FSD1L: variants seen among roughly 807,000 people sequenced by gnomAD.
The protein encoded by FSD1L is FSD1-like protein.
Under a neutral mutation model 71.6 loss-of-function variants are expected in FSD1L, and 45 were observed. The ratio of observed to expected loss-of-function variants is 0.63; its 90% CI spans 0.49 to 0.81. FSD1L has a LOEUF of 0.81. FSD1L is among the 30% of genes least tolerant of loss of function. The probability of loss-of-function intolerance (pLI) is 0.00; values close to 1 mark genes in which losing one functional copy is unlikely to be tolerated. For missense variants in FSD1L, 561 were observed against 618.1 expected (o/e 0.91, Z 0.98); for synonymous variants, 197 against 207.2 (o/e 0.95, Z 0.42).
chr9:105,484,123 C>T (rs562185490), intron 6 of FSD1L, among the ~76,000 whole-genome samples: 95 of 152,110 alleles, frequency 6.2e-4, no homozygotes, highest in African/African-American at 2.2e-3. Flanking sequence ...TGTTGTTATT[C>T]ATATATATGC....
At position 105,521,494 on chromosome 9, in the gene FSD1L, T is replaced by A. The variant is rs927496546; in HGVS notation, c.1025+8558T>A. 4.3e-6 allele frequency: 7 copies of A among 1,613,836 alleles called. No homozygotes were observed. The South Asian group carries it at 7.7e-5, about 18-fold the overall frequency. On this transcript the variant is annotated intron_variant, in intron 10 of 13. Coordinates refer to ENST00000481272, the MANE Select transcript of FSD1L (RefSeq NM_001145313.3). ...AGTAATGTAAACTTTGTGACAGAGA[T>A]ATTTCGTCAGGCATTTTTATTACCA...
At chr9:105,475,535 A>G (rs1173774786) in intron 5 of FSD1L, among the ~76,000 whole-genome samples, 3 of 152,234 alleles carry the variant, frequency 2.0e-5, no homozygotes, top group Admixed American at 2.0e-4. Flanking sequence ...CTCCCTCTGT[A>G]GGCTGAAGTT....
At chr9:105,477,786 A>G (rs914498043) in intron 5 of FSD1L, among the ~76,000 whole-genome samples, 4 of 152,186 alleles carry the variant, frequency 2.6e-5, no homozygotes, top group Non-Finnish European at 5.9e-5. Flanking sequence ...ATGACTTAAG[A>G]TACAGATTCC....
intron 6 of FSD1L, among the ~76,000 whole-genome samples, chr9:105,484,049 A>G (rs1324989925): frequency 6.6e-6 from 1 of 152,176 alleles, no homozygotes; most frequent in African/African-American, 2.4e-5. Flanking sequence ...GAAGTCAGTA[A>G]GATTGAGTGT....
At chr9:105,494,744 T>C (rs976333068) in intron 7 of FSD1L, among the ~76,000 whole-genome samples, 1 of 152,196 alleles carries the variant, frequency 6.6e-6, no homozygotes, top group Non-Finnish European at 1.5e-5. Context: ...TGCAGGTCTT[T>C]TGAAGTTTGC....
intron 6 of FSD1L, among the ~76,000 whole-genome samples, chr9:105,483,101 A>G (rs932144702): frequency 1.3e-5 from 2 of 152,200 alleles, no homozygotes; most frequent in African/African-American, 4.8e-5. Context: ...TGTAGTATGC[A>G]TGAAATACTC....
intron 3 of FSD1L, among the ~76,000 whole-genome samples, chr9:105,467,645 A>T (rs997143846): frequency 3.5e-4 from 54 of 152,222 alleles, no homozygotes; most frequent in African/African-American, 1.2e-3. Flanking sequence ...TCCAATAAAT[A>T]ATTGCTTAGT....
upstream of FSD1L, among the ~76,000 whole-genome samples, chr9:105,447,567 A>C (rs370065519): frequency 3.5e-3 from 524 of 151,792 alleles, 5 homozygotes; most frequent in African/African-American, 0.012. Context: ...TTAATCCCAC[A>C]CCCACGTTTC....
intron 6 of FSD1L, among the ~76,000 whole-genome samples, chr9:105,480,094 G>A (rs1268836201): frequency 1.3e-5 from 2 of 152,156 alleles, no homozygotes; most frequent in Non-Finnish European, 2.9e-5. Flanking sequence ...ACTGAGTATT[G>A]TCTGTATTGA....
chr9:105,546,478 C>A lies in FSD1L; in HGVS notation c.1588C>A (p.Gln530Lys). The stretch of plus-strand genomic sequence containing the variant: ...TAGCAGCCTGAACAATGTTGTTACT[C>A]AATAGTGTCTACTCAGAATACGTTT... The part of the protein sequence containing the change: ...SASSLNNVVT[Q>K] Residue 530 changes from glutamine (Q) to lysine (K), a missense_variant, in exon 14 of 14, where the codon CAA becomes AAA. Transcript: ENST00000481272. 1 of 1,544,394 alleles carries A rather than the reference C, an allele frequency of 6.5e-7. No individual in the cohort carries two copies. The highest frequency in any genetic ancestry group is 8.7e-7 in the Non-Finnish European group (1 of 1,144,204).
At chr9:105,476,768 T>A (rs1274779053) in intron 5 of FSD1L, among the ~76,000 whole-genome samples, 1 of 152,072 alleles carries the variant, frequency 6.6e-6, no homozygotes, top group African/African-American at 2.4e-5. Context: ...TTGAGAGAAT[T>A]CTAGAAAAAA....
intron 10 of FSD1L, among the ~76,000 whole-genome samples, chr9:105,531,344 T>A (rs1835883238): frequency 6.6e-6 from 1 of 152,186 alleles, no homozygotes; most frequent in South Asian, 2.1e-4. Context: ...CTTTAACCTC[T>A]CCTCTCCTTT....
chr9:105,448,121 G>C lies in FSD1L; in HGVS notation c.-100G>C. On this transcript the variant is annotated 5_prime_UTR_variant, in exon 1 of 14. Coordinates refer to ENST00000481272, the MANE Select transcript of FSD1L (RefSeq NM_001145313.3). ...CCGGGCGGTGCCGGTGCGGGCTGGGGCAGTGCAGTGAGTAGCGGTCTTGGG... is the reference window on the plus strand; with the variant it reads ...CCGGGCGGTGCCGGTGCGGGCTGGGCCAGTGCAGTGAGTAGCGGTCTTGGG... The C allele has an allele frequency of 1.6e-6, 2 of 1,275,518 alleles. No homozygotes were observed. Among genetic ancestry groups the C allele is most frequent in the East Asian group, 2.7e-5 (1 of 36,968 alleles). The allele number at this position is 1,275,518 out of a possible 1,614,324, so 79.0% of individuals were successfully genotyped here.
intron 3 of FSD1L, among the ~76,000 whole-genome samples, chr9:105,466,339 T>C (rs1280616700): frequency 6.6e-6 from 1 of 152,248 alleles, no homozygotes; most frequent in Admixed American, 6.5e-5. Flanking sequence ...TTGTAATCTC[T>C]ATCCAAATAC....
chr9:105,502,225 A>T (rs577702145), intron 7 of FSD1L, among the ~76,000 whole-genome samples: 10 of 152,220 alleles, frequency 6.6e-5, no homozygotes, highest in Admixed American at 6.5e-4. Context: ...AAAGATAATG[A>T]TAATATAAAG....
chr9:105,497,423 G>T (rs185383079), intron 7 of FSD1L, among the ~76,000 whole-genome samples: 16 of 152,308 alleles, frequency 1.1e-4, no homozygotes, highest in Admixed American at 9.1e-4. Flanking sequence ...TTCTGCAAGA[G>T]ATTGTAGAGA....
rs1395624682 is a variant in FSD1L at position 105,512,891 on chromosome 9, GA to G, written c.984del (p.Gly329ValfsTer25). The G allele has an allele frequency of 1.9e-6, 3 of 1,542,336 alleles. No homozygotes were observed. Among genetic ancestry groups the G allele is most frequent in the Non-Finnish European group, 1.8e-6 (2 of 1,142,688 alleles). On this transcript the variant is annotated frameshift_variant, in exon 10 of 14. Coordinates refer to ENST00000481272, the MANE Select transcript of FSD1L (RefSeq NM_001145313.3). LOFTEE classifies it high-confidence loss of function. The part of the protein sequence containing the change: ...DTCVEWDPTG[G>X]KGQESKIKGK... ...TGTGTAGAGTGGGATCCTACTGGAGGAAAAGGTCAAGAAAGTAAAATTAAAG... is the reference window on the plus strand; with the variant it reads ...TGTGTAGAGTGGGATCCTACTGGAGGAAAGGTCAAGAAAGTAAAATTAAAG...
chr9:105,546,725 A>G lies in FSD1L; in HGVS notation c.*242A>G. ...TTGAAGAGTAAATGGGGGAAAAGGC[A>G]GTGTTTAATTAACATAAAAACTCAT... is the stretch of plus-strand genomic sequence containing the variant. On this transcript the variant is annotated 3_prime_UTR_variant, in exon 14 of 14. Transcript: ENST00000481272. The G allele has an allele frequency of 3.5e-6, 1 of 288,956 alleles. No homozygotes were observed. Among genetic ancestry groups the G allele is most frequent in the Non-Finnish European group, 6.4e-6 (1 of 156,850 alleles). 17.9% of individuals were successfully genotyped at this position (288,956 alleles called of 1,614,324 possible).
At chr9:105,456,425 C>G (rs1830359912) in intron 1 of FSD1L, among the ~76,000 whole-genome samples, 1 of 152,202 alleles carries the variant, frequency 6.6e-6, no homozygotes, top group African/African-American at 2.4e-5. Context: ...GTACTTGGCA[C>G]TTAAGAGTAC....
Sources: gnomAD v4.1 joint callset for allele counts (sites outside exome capture counted in the v4.1 genomes callset) on GRCh38, gnomAD v4.1.1 for gene constraint, MANE v1.5 for transcripts, NCBI Gene and HGNC (gene_info 2026-07-23, HGNC 2026-07-21) for gene names.